The following GLCCI1 variants were observed in gnomAD, a reference collection of about 807,000 sequenced individuals.
GLCCI1 encodes glucocorticoid induced 1.
In GLCCI1, 24 loss-of-function variants were observed where a neutral mutation model predicts 52.2. The observed-to-expected ratio is 0.46, with a 90% confidence interval of 0.33 to 0.65. GLCCI1 has a LOEUF of 0.65. Ranked by LOEUF, GLCCI1 falls within the 30% of genes least tolerant of loss-of-function variation. GLCCI1 has a pLI of 0.02. For synonymous variants in GLCCI1, 310 were observed against 276.5 expected, an observed-to-expected ratio of 1.12 and a Z score of -1.20; for missense variants, 704 against 701.5, an observed-to-expected ratio of 1.00 and a Z score of -0.04.
At chr7:8,026,997 G>C (rs1186862059) in intron 3 of GLCCI1, among the ~76,000 whole-genome samples, 1 of 152,128 alleles carries the variant, frequency 6.6e-6, no homozygotes, top group East Asian at 1.9e-4. Context: ...TGAATACCTG[G>C]AAAGCCTTCC....
chr7:8,031,701 A>T (rs7782916), intron 3 of GLCCI1, among the ~76,000 whole-genome samples: 115,063 of 151,346 alleles, frequency 0.76, 44,206 homozygotes, highest in African/African-American at 0.87. Context: ...TAATTAAAAA[A>T]TTTTTTTAAA....
chr7:8,050,033 T>A (rs1019023450), intron 3 of GLCCI1, among the ~76,000 whole-genome samples: 3 of 152,212 alleles, frequency 2.0e-5, no homozygotes, highest in Non-Finnish European at 4.4e-5. Context: ...TGTATAAAAA[T>A]TCTTCCAAAG....
At chr7:8,055,725 C>G (rs930833162) in intron 4 of GLCCI1, 176 bp downstream of exon 4, 32 of 469,790 alleles carry the variant, frequency 6.8e-5, no homozygotes, top group African/African-American at 6.0e-4. Flanking sequence ...CTTGGTGGCT[C>G]ACGCCTGTAA....
chr7:8,012,724 C>T (rs181226667), intron 2 of GLCCI1, among the ~76,000 whole-genome samples: 12 of 152,096 alleles, frequency 7.9e-5, no homozygotes, highest in African/African-American at 2.2e-4. Context: ...GGATTACAGG[C>T]GTGAGCCACC....
chr7:8,010,021 T>C lies in GLCCI1; in HGVS notation c.609+5962T>C, dbSNP rs772893967. ...AAACATTTAAAAATTGTATCTTTAA[T>C]GGTTTATTTTCCTGTTATACCTTTA... is the stretch of plus-strand genomic sequence containing the variant. On this transcript the variant is annotated intron_variant, in intron 2 of 7. Transcript: ENST00000223145. Among the ~76,000 whole-genome samples the C allele has an allele frequency of 2.6e-5, 4 of 152,226 alleles. No individual in the cohort carries two copies. The South Asian group carries it at 6.2e-4, about 24-fold the overall frequency.
intron 1 of GLCCI1, among the ~76,000 whole-genome samples, chr7:7,979,366 G>T (rs993882216): frequency 3.4e-5 from 5 of 145,886 alleles, no homozygotes; most frequent in African/African-American, 1.2e-4. Flanking sequence ...GATTTTAAAT[G>T]AGTTATCCTT....
chr7:8,072,597 G>A (rs1361169171), intron 6 of GLCCI1, among the ~76,000 whole-genome samples: 3 of 152,254 alleles, frequency 2.0e-5, no homozygotes, highest in Admixed American at 6.5e-5. Context: ...GCTTCCAGTA[G>A]GAGTGTTTGT....
rs748152583 is a variant in GLCCI1, at chr7:7,969,341, C to T, written c.-10C>T. ...GTCGGCCGGCGGCGTCCAGGGCCCGCAGAGCCACCATGTCCACTGCCTCCT... is the reference window on the plus strand; with the variant it reads ...GTCGGCCGGCGGCGTCCAGGGCCCGTAGAGCCACCATGTCCACTGCCTCCT... On this transcript the variant is annotated 5_prime_UTR_variant, in exon 1 of 8. Coordinates refer to ENST00000223145, the MANE Select transcript of GLCCI1 (RefSeq NM_138426.4). This position sits in a 1 kb window ranked among gnomAD's most constrained non-coding sequence, Gnocchi z 4.9. The T allele has an allele frequency of 2.1e-5, 31 of 1,474,930 alleles. No individual in the cohort carries two copies. The highest frequency in any genetic ancestry group is 1.9e-4 in the South Asian group (15 of 80,554). 91.4% of individuals were successfully genotyped at this position (1,474,930 alleles called of 1,614,324 possible).
intron 5 of GLCCI1, among the ~76,000 whole-genome samples, chr7:8,062,801 T>TA (rs1782547038): frequency 6.6e-6 from 1 of 152,206 alleles, no homozygotes. Flanking sequence ...GACATGGTCT[T>TA]ACTCTTTTTA....
At chr7:8,013,679 T>C (rs1465117643) in intron 2 of GLCCI1, among the ~76,000 whole-genome samples, 3 of 152,366 alleles carry the variant, frequency 2.0e-5, no homozygotes, top group Non-Finnish European at 2.9e-5. Flanking sequence ...CCCTTCAGAA[T>C]ATTTTACAAC....
chr7:7,976,815 T>C (rs1240197455), intron 1 of GLCCI1, among the ~76,000 whole-genome samples: 2 of 151,590 alleles, frequency 1.3e-5, no homozygotes, highest in Non-Finnish European at 2.9e-5. Flanking sequence ...AGGATCCTCC[T>C]GAGTGATCCT....
chr7:8,000,181 G>T (rs187512685), intron 1 of GLCCI1, among the ~76,000 whole-genome samples: 1 of 152,040 alleles, frequency 6.6e-6, no homozygotes, highest in Non-Finnish European at 1.5e-5. Context: ...GTGTTTCTTC[G>T]CAGTGGAAGG....
chr7:8,062,070 G>T (rs1782530089), intron 5 of GLCCI1, among the ~76,000 whole-genome samples: 1 of 152,124 alleles, frequency 6.6e-6, no homozygotes, highest in Non-Finnish European at 1.5e-5. Flanking sequence ...TCACATATTT[G>T]CTGATTCCTT....
At chr7:8,058,579 G>T in intron 4 of GLCCI1, among the ~76,000 whole-genome samples, 1 of 152,134 alleles carries the variant, frequency 6.6e-6, no homozygotes, top group Admixed American at 6.5e-5. Flanking sequence ...AGAAATGGTG[G>T]GGCAATTGGA....
intron 3 of GLCCI1, among the ~76,000 whole-genome samples, chr7:8,033,949 G>A (rs184977753): frequency 4.6e-4 from 70 of 152,104 alleles, no homozygotes; most frequent in Middle Eastern, 3.4e-3. Flanking sequence ...AGAAAAGTCC[G>A]AATAATCTTG....
chr7:8,054,887 AG>A (rs1371375140), intron 3 of GLCCI1, among the ~76,000 whole-genome samples: 1 of 151,738 alleles, frequency 6.6e-6, no homozygotes, highest in Non-Finnish European at 1.5e-5. Context: ...TTGTTTTTAA[AG>A]GTTTTATGAT....
chr7:8,072,316 T>G (rs1264128210), intron 6 of GLCCI1, among the ~76,000 whole-genome samples: 1 of 152,226 alleles, frequency 6.6e-6, no homozygotes, highest in Non-Finnish European at 1.5e-5. Context: ...TACTTTGGAC[T>G]TTGTCCTCTG....
intron 1 of GLCCI1, among the ~76,000 whole-genome samples, chr7:7,974,861 C>G (rs1452421512): frequency 6.6e-6 from 1 of 152,176 alleles, no homozygotes; most frequent in East Asian, 1.9e-4. Context: ...TAGTCTGTGT[C>G]TGGCACTGCT....
In GLCCI1 at chr7:8,040,211, T is replaced by G. The variant is rs182130733; in HGVS notation, c.697-15222T>G. Among the ~76,000 whole-genome samples the G allele has an allele frequency of 1.1e-4, 17 of 151,232 alleles. No homozygotes were observed. The East Asian group carries it at 3.3e-3, about 30-fold the overall frequency. ...AAAATTAAAACCACAATGAGGGAGGTGTGATGGCCCACAACTATAATCCCA... is the reference window on the plus strand; with the variant it reads ...AAAATTAAAACCACAATGAGGGAGGGGTGATGGCCCACAACTATAATCCCA... On this transcript the variant is annotated intron_variant, in intron 3 of 7. Transcript: ENST00000223145.
Sources: allele counts gnomAD v4.1 joint callset (sites outside exome capture counted in the v4.1 genomes callset), GRCh38; gene constraint gnomAD v4.1.1; non-coding constraint Gnocchi (gnomAD v3.1); transcripts MANE v1.5; gene names NCBI Gene and HGNC (gene_info 2026-07-23, HGNC 2026-07-21).